The following GULP1 variants were observed in gnomAD, a reference collection of about 807,000 sequenced individuals.
GULP1 encodes PTB domain-containing engulfment adapter protein 1.
A neutral mutation model predicts 40.9 loss-of-function variants in GULP1; 19 were observed. That is an observed-to-expected ratio of 0.46 (90% CI 0.32 to 0.68). The LOEUF (loss-of-function observed/expected upper bound fraction) is 0.68, where lower values mean the gene tolerates loss of function less well. Ranked by LOEUF, GULP1 falls within the 30% of genes least tolerant of loss-of-function variation. The pLI, the probability that GULP1 is intolerant of heterozygous loss-of-function variation, is 0.03. For missense variants in GULP1, 312 were observed against 362.2 expected (o/e 0.86, Z 1.12); for synonymous variants, 119 against 117.6 (o/e 1.01, Z -0.08).
chr2:188,333,938 A>G (rs1349792806), intron 1 of GULP1, among the ~76,000 whole-genome samples: 1 of 152,148 alleles, frequency 6.6e-6, no homozygotes, highest in East Asian at 1.9e-4. Context: ...CCACATAGGC[A>G]GGGACTCCGT....
At chr2:188,407,331 A>G (rs1033067262) in intron 2 of GULP1, among the ~76,000 whole-genome samples, 3 of 152,216 alleles carry the variant, frequency 2.0e-5, no homozygotes, top group Admixed American at 1.3e-4. Flanking sequence ...CACTGGTAAA[A>G]GTAAATACAC....
At chr2:188,329,088 T>C (rs2041180306) in intron 1 of GULP1, among the ~76,000 whole-genome samples, 1 of 152,068 alleles carries the variant, frequency 6.6e-6, no homozygotes, top group South Asian at 2.1e-4. Flanking sequence ...TCAGGCTGTC[T>C]GCTTCCCTCC....
chr2:188,536,727 A>C (rs1402171258), intron 6 of GULP1, among the ~76,000 whole-genome samples: 1 of 152,148 alleles, frequency 6.6e-6, no homozygotes, highest in Admixed American at 6.6e-5. Flanking sequence ...GAAAAATGGC[A>C]TTGGCCATTT....
intron 4 of GULP1, among the ~76,000 whole-genome samples, chr2:188,519,559 A>G (rs1214273472): frequency 6.6e-6 from 1 of 152,202 alleles, no homozygotes; most frequent in African/African-American, 2.4e-5. Flanking sequence ...TGATAAATTC[A>G]GAGAAGTTGA....
intron 4 of GULP1, chr2:188,491,303 T>A (rs2062367001): frequency 1.3e-5 from 2 of 152,112 alleles, no homozygotes; most frequent in Non-Finnish European, 2.9e-5. Context: ...TTAATGTTTT[T>A]ATCAATACCA....
chr2:188,435,893 A>G (rs1259362053), intron 2 of GULP1, among the ~76,000 whole-genome samples: 1 of 152,130 alleles, frequency 6.6e-6, no homozygotes, highest in Non-Finnish European at 1.5e-5. Context: ...ACAAGGCCAG[A>G]AGAATCTCTT....
chr2:188,513,608 T>C (rs1164831958), intron 4 of GULP1, among the ~76,000 whole-genome samples: 1 of 152,190 alleles, frequency 6.6e-6, no homozygotes, highest in African/African-American at 2.4e-5. Context: ...ATACATTTTC[T>C]GGAGTGTTCT....
chr2:188,564,630 G>A (rs181550157), intron 7 of GULP1, among the ~76,000 whole-genome samples: 5 of 151,792 alleles, frequency 3.3e-5, no homozygotes, highest in Non-Finnish European at 5.9e-5. Context: ...TTTAATTGTG[G>A]TTAATTCTAC....
At chr2:188,488,366 TA>T (rs1321589803) in intron 4 of GULP1, among the ~76,000 whole-genome samples, 3 of 152,212 alleles carry the variant, frequency 2.0e-5, no homozygotes, top group African/African-American at 7.2e-5. Flanking sequence ...TTTTTACTTG[TA>T]AATGAGATTA....
intron 2 of GULP1, among the ~76,000 whole-genome samples, chr2:188,389,768 C>A (rs1456607055): frequency 2.0e-5 from 3 of 152,018 alleles, no homozygotes; most frequent in Admixed American, 6.6e-5. Context: ...CCAGTTCCCA[C>A]CCTCCCCATT....
chr2:188,356,091 T>C (rs1415199609), intron 1 of GULP1, among the ~76,000 whole-genome samples: 3 of 152,018 alleles, frequency 2.0e-5, no homozygotes, highest in African/African-American at 7.2e-5. Context: ...ATACTGAATG[T>C]AGAAAAGCTA....
intron 2 of GULP1, among the ~76,000 whole-genome samples, chr2:188,428,534 A>G (rs1396469440): frequency 3.9e-5 from 6 of 152,140 alleles, no homozygotes; most frequent in East Asian, 1.9e-4. Flanking sequence ...TGCTGTTATC[A>G]TGATAGATTT....
At chr2:188,355,640 A>T (rs891516666) in intron 1 of GULP1, among the ~76,000 whole-genome samples, 1 of 152,126 alleles carries the variant, frequency 6.6e-6, no homozygotes, top group Non-Finnish European at 1.5e-5. Context: ...TATTAAAAAA[A>T]TTGAAGAGGA....
At chr2:188,369,829 G>A (rs551624434) in intron 1 of GULP1, among the ~76,000 whole-genome samples, 20 of 152,144 alleles carry the variant, frequency 1.3e-4, no homozygotes, top group East Asian at 1.9e-4. Context: ...CTTGGTTCAG[G>A]TAATTCACTG....
chr2:188,550,249 A>G (rs947565921), intron 7 of GULP1, among the ~76,000 whole-genome samples: 1 of 151,700 alleles, frequency 6.6e-6, no homozygotes, highest in African/African-American at 2.4e-5. Flanking sequence ...CAGGCCAAAA[A>G]GAATTAGTTT....
In GULP1 at chr2:188,352,618, T is replaced by TCTCACACACA. The variant is rs578003996; in HGVS notation, c.-171-31144_-171-31143insTCACACACAC. On this transcript the variant is annotated intron_variant, in intron 1 of 11. Coordinates refer to ENST00000409830, the MANE Select transcript of GULP1 (RefSeq NM_016315.4). The stretch of plus-strand genomic sequence containing the variant: ...TGCTCTCTTTCTCTCTCTCTCTCTC[T>TCTCACACACA]CACACACACACACACACACACACAC... Among the ~76,000 whole-genome samples the TCTCACACACA allele has an allele frequency of 2.0e-3, 270 of 134,484 alleles. 3 individuals are homozygous for TCTCACACACA. The highest frequency in any genetic ancestry group is 0.012 in the Admixed American group (151 of 13,066). The allele number at this position is 134,484 out of a possible 152,430, so 88.2% of individuals were successfully genotyped here.
At chr2:188,408,355 A>G (rs2053415862) in intron 2 of GULP1, among the ~76,000 whole-genome samples, 1 of 152,176 alleles carries the variant, frequency 6.6e-6, no homozygotes, top group South Asian at 2.1e-4. Flanking sequence ...AAAATGGACT[A>G]GGACAGGTAA....
At chr2:188,449,947 C>T (rs2058699411) in intron 2 of GULP1, among the ~76,000 whole-genome samples, 1 of 152,138 alleles carries the variant, frequency 6.6e-6, no homozygotes, top group African/African-American at 2.4e-5. Flanking sequence ...GATTTTCTTT[C>T]TTCCTCTTTT....
At chr2:188,319,317 T>TA (rs2039613141) in intron 1 of GULP1, among the ~76,000 whole-genome samples, 1 of 152,148 alleles carries the variant, frequency 6.6e-6, no homozygotes, top group South Asian at 2.1e-4. Flanking sequence ...ATGGCCCCCT[T>TA]ACACCCACGT....
Sources: gnomAD v4.1 joint callset for allele counts (sites outside exome capture counted in the v4.1 genomes callset) on GRCh38, gnomAD v4.1.1 for gene constraint, MANE v1.5 for transcripts, NCBI Gene and HGNC (gene_info 2026-07-23, HGNC 2026-07-21) for gene names.